RBBP8: variants seen among roughly 807,000 people sequenced by gnomAD.
RBBP8 encodes DNA endonuclease RBBP8.
Under a neutral mutation model 108.3 loss-of-function variants are expected in RBBP8, and 88 were observed. The observed-to-expected ratio is 0.81, with a 90% CI of 0.68 to 0.97. RBBP8 has a LOEUF of 0.97. Among genes scored for constraint, RBBP8 ranks in the 50% least tolerant of loss-of-function variants. RBBP8 has a pLI of 0.00. For missense variants in RBBP8, 1,023 were observed against 1,049.0 expected (o/e 0.98, Z 0.34); for synonymous variants, 332 against 348.2 (o/e 0.95, Z 0.52).
chr18:23,014,404 T>C (rs954901798), intron 16 of RBBP8, among the ~76,000 whole-genome samples: 4 of 152,184 alleles, frequency 2.6e-5, no homozygotes, highest in African/African-American at 7.2e-5. Context: ...CCAGATGACA[T>C]TGAAAACATT....
At chr18:22,996,886 A>G (rs2045868750) in intron 13 of RBBP8, among the ~76,000 whole-genome samples, 1 of 152,156 alleles carries the variant, frequency 6.6e-6, no homozygotes, top group South Asian at 2.1e-4. Context: ...AGTCCTAGCT[A>G]CTTGGGAGGC....
chr18:22,941,216 G>A (rs548045704), intron 2 of RBBP8, among the ~76,000 whole-genome samples: 48 of 152,150 alleles, frequency 3.2e-4, no homozygotes, highest in Non-Finnish European at 4.4e-4. Flanking sequence ...CTGTCACCCA[G>A]GCTGGAGTGC....
intron 18 of RBBP8, among the ~76,000 whole-genome samples, chr18:23,025,798 G>C (rs544246544): frequency 6.6e-6 from 1 of 152,276 alleles, no homozygotes; most frequent in Non-Finnish European, 1.5e-5. Context: ...CTTGGGCCAG[G>C]TCCCAGCTCC....
At chr18:23,021,995 C>A (rs1438726642) in intron 17 of RBBP8, 134 bp from the exon 18 acceptor site, 2 of 720,100 alleles carry the variant, frequency 2.8e-6, no homozygotes, top group Non-Finnish European at 2.4e-6. Flanking sequence ...ATAGTATCAT[C>A]AATGAGGATT....
chr18:22,989,575 C>T (rs1386444831), intron 9 of RBBP8, among the ~76,000 whole-genome samples: 1 of 151,982 alleles, frequency 6.6e-6, no homozygotes, highest in African/African-American at 2.4e-5. Context: ...TGTCAACTTT[C>T]TTCCCTTCCC....
chr18:22,962,930 A>G (rs895913273), intron 4 of RBBP8, among the ~76,000 whole-genome samples: 2 of 152,056 alleles, frequency 1.3e-5, no homozygotes, highest in Non-Finnish European at 2.9e-5. Context: ...CTAATACGCT[A>G]TACAACTTAC....
At position 22,982,102 on chromosome 18, in the gene RBBP8, C is replaced by T. The variant is rs1210497922; in HGVS notation, c.429-116C>T. On this transcript the variant is annotated intron_variant, in intron 6 of 18. Transcript: ENST00000327155. ...CTACTTAGGTTTGGAACATTAGATGCAAGGGATTACATCCCTTAGAGCTTC... is the reference window on the plus strand; with the variant it reads ...CTACTTAGGTTTGGAACATTAGATGTAAGGGATTACATCCCTTAGAGCTTC... 6 of 1,164,570 alleles carry T rather than the reference C, an allele frequency of 5.2e-6. No individual in the cohort carries two copies. In the African/African-American group the frequency reaches 7.6e-5, roughly 15 times the overall value. The allele number at this position is 1,164,570 out of a possible 1,614,324, so 72.1% of individuals were successfully genotyped here.
chr18:23,010,410 T>C (rs751564615), intron 16 of RBBP8, among the ~76,000 whole-genome samples: 2 of 152,168 alleles, frequency 1.3e-5, no homozygotes, highest in Non-Finnish European at 2.9e-5. Context: ...GAGACCAGCC[T>C]GGGCAACACA....
intron 6 of RBBP8, among the ~76,000 whole-genome samples, chr18:22,980,364 A>G (rs1914819733): frequency 6.6e-6 from 1 of 152,196 alleles, no homozygotes; most frequent in African/African-American, 2.4e-5. Flanking sequence ...AGGGTGTGTG[A>G]AGGGAGGTTG....
intron 2 of RBBP8, among the ~76,000 whole-genome samples, chr18:22,937,698 G>C (rs566044382): frequency 3.6e-4 from 55 of 151,814 alleles, no homozygotes; most frequent in African/African-American, 1.1e-3. Flanking sequence ...GGCTGGTCTT[G>C]AACTCCTGGC....
chr18:23,015,475 G>C (rs1417389497), intron 16 of RBBP8, among the ~76,000 whole-genome samples: 5 of 152,038 alleles, frequency 3.3e-5, no homozygotes, highest in African/African-American at 4.8e-5. Context: ...AATCCCACTT[G>C]TATATTTTTG....
intron 15 of RBBP8, among the ~76,000 whole-genome samples, chr18:23,002,988 T>C (rs2045973082): frequency 6.6e-6 from 1 of 152,266 alleles, no homozygotes; most frequent in Non-Finnish European, 1.5e-5. Flanking sequence ...AAAGGTGTAC[T>C]TATTCTGTTC....
In RBBP8 at chr18:22,954,521, C is replaced by G. The variant is rs192830819; in HGVS notation, c.248+4808C>G. Reference sequence around the variant, plus strand: ...TTCCCACAGTCTTGGGCAGCTCTGCCCCTGTGATTTTGCAGGGTACAGCCC... The same window carrying G: ...TTCCCACAGTCTTGGGCAGCTCTGCGCCTGTGATTTTGCAGGGTACAGCCC... On this transcript the variant is annotated intron_variant, in intron 4 of 18. Transcript: ENST00000327155. Among the ~76,000 whole-genome samples, 206 of 152,360 alleles carry G rather than the reference C, an allele frequency of 1.4e-3. 1 individual carries two copies. Among genetic ancestry groups the G allele is most frequent in the African/African-American group, 4.9e-3 (204 of 41,594 alleles).
rs145801850 is a variant in RBBP8, at chr18:23,012,410, G to A, written c.2358-4418G>A. Among the ~76,000 whole-genome samples the A allele has an allele frequency of 8.4e-4, 128 of 152,234 alleles. No individual in the cohort carries two copies. The Middle Eastern group carries it at 0.017, about 20-fold the overall frequency. ...GTTGCAAATGCAAAGGAAAGTTCTT[G>A]AAGAAAATCACAAGTGCTACTCCAG... is the stretch of plus-strand genomic sequence containing the variant. On this transcript the variant is annotated intron_variant, in intron 16 of 18. Coordinates refer to ENST00000327155, the MANE Select transcript of RBBP8 (RefSeq NM_002894.3).
At chr18:22,958,594 G>A (rs767533658) in intron 4 of RBBP8, among the ~76,000 whole-genome samples, 5 of 152,036 alleles carry the variant, frequency 3.3e-5, no homozygotes, top group Non-Finnish European at 2.9e-5. Flanking sequence ...TCGCTCTGCT[G>A]GAGTGCAGTG....
In RBBP8 at chr18:22,996,363, C is replaced by G. The variant is rs780119449; in HGVS notation, c.1940-11C>G. The stretch of plus-strand genomic sequence containing the variant: ...AGTTTTTTAATTGCATGCTCTTTCC[C>G]TTTACCTAAGATGTATCCTTTGAAA... On this transcript the variant is annotated splice_polypyrimidine_tract_variant and intron_variant, in intron 12 of 18. Coordinates refer to ENST00000327155, the MANE Select transcript of RBBP8 (RefSeq NM_002894.3). 6 of 1,613,008 alleles carry G rather than the reference C, an allele frequency of 3.7e-6. No homozygotes were observed. In the Admixed American group the frequency reaches 5.0e-5, roughly 13 times the overall value.
In RBBP8 at chr18:23,001,723, C is replaced by G. The variant is rs760448614; in HGVS notation, c.2281C>G (p.Leu761Val). The change falls in exon 15 of 19, where the codon CTA (leucine) becomes GTA (valine). Residue 761 changes from leucine to valine, a missense_variant. Physicochemically the swap from Leu to Val is conservative, Grantham distance 32 (BLOSUM62 1). Coordinates refer to ENST00000327155, the MANE Select transcript of RBBP8 (RefSeq NM_002894.3). ...GGAATTGTCTACTGCCACAAAGAAA[C>G]TACACAGTAAGATTTTTTTCTGTTT... is the stretch of plus-strand genomic sequence containing the variant. ...EEELSTATKK[L>V]HTHGDKQDKV... is the part of the protein sequence containing the mutation. 1.9e-6 allele frequency: 3 copies of G among 1,614,124 alleles called. No homozygotes were observed. The highest frequency in any genetic ancestry group is 1.7e-5 in the Admixed American group (1 of 60,028).
chr18:22,917,402 T>C (rs1909402500), intron 3 of RBBP8, among the ~76,000 whole-genome samples: 1 of 152,244 alleles, frequency 6.6e-6, no homozygotes, highest in Admixed American at 6.5e-5. Context: ...CTCTCTGAGT[T>C]AGCTTTTCTC....
At chr18:22,939,027 A>G (rs1255180390) in intron 2 of RBBP8, among the ~76,000 whole-genome samples, 1 of 152,246 alleles carries the variant, frequency 6.6e-6, no homozygotes, top group Non-Finnish European at 1.5e-5. Context: ...AAATTTTAAT[A>G]TACTTTAATT....
Sources: allele counts gnomAD v4.1 joint callset (sites outside exome capture counted in the v4.1 genomes callset), GRCh38; gene constraint gnomAD v4.1.1; transcripts MANE v1.5; gene names NCBI Gene and HGNC (gene_info 2026-07-23, HGNC 2026-07-21).